Variants in CPE observed in about 807,000 individuals in gnomAD.
The protein encoded by CPE is carbocypeptidase E.
In CPE, 17 loss-of-function variants were observed where a neutral mutation model predicts 53.5. The ratio of observed to expected loss-of-function variants is 0.32; its 90% CI spans 0.22 to 0.48. The LOEUF is 0.48. Among genes scored for constraint, CPE ranks in the 20% least tolerant of loss-of-function variants. CPE has a pLI of 0.99. For synonymous variants in CPE, 226 were observed against 228.8 expected, an observed-to-expected ratio of 0.99 and a Z score of 0.11; for missense variants, 524 against 614.7, an observed-to-expected ratio of 0.85 and a Z score of 1.56.
At chr4:165,410,928 G>C (rs1022590288) in intron 1 of CPE, among the ~76,000 whole-genome samples, 3 of 152,096 alleles carry the variant, frequency 2.0e-5, no homozygotes, top group Non-Finnish European at 2.9e-5. Flanking sequence ...CTAGCAGAAA[G>C]CTGGGTTTCA....
At chr4:165,444,767 C>A (rs1731676522) in intron 1 of CPE, among the ~76,000 whole-genome samples, 1 of 152,170 alleles carries the variant, frequency 6.6e-6, no homozygotes, top group Non-Finnish European at 1.5e-5. Flanking sequence ...TCATCTTGGG[C>A]TGTGGCAATC....
intron 1 of CPE, among the ~76,000 whole-genome samples, chr4:165,451,102 C>G (rs558211455): frequency 1.3e-5 from 2 of 152,130 alleles, no homozygotes; most frequent in Non-Finnish European, 2.9e-5. Flanking sequence ...CCAGATCTGC[C>G]GAATTGGAAT....
intron 1 of CPE, among the ~76,000 whole-genome samples, chr4:165,463,818 G>T (rs760482050): frequency 1.5e-4 from 23 of 152,234 alleles, no homozygotes; most frequent in Non-Finnish European, 2.6e-4. Context: ...TAGTTATTGT[G>T]GGTGAGATGG....
chr4:165,486,692 A>C (rs1579283251), intron 5 of CPE, among the ~76,000 whole-genome samples: 2 of 152,134 alleles, frequency 1.3e-5, no homozygotes, highest in East Asian at 1.9e-4. Flanking sequence ...ACCAGACACA[A>C]ATGCGTATCC....
chr4:165,413,566 G>T (rs893180643), intron 1 of CPE, among the ~76,000 whole-genome samples: 2 of 152,174 alleles, frequency 1.3e-5, no homozygotes, highest in Admixed American at 1.3e-4. Context: ...TACCTTTGAG[G>T]CTTTAAGCAA....
chr4:165,410,071 A>C (rs917678006), intron 1 of CPE, among the ~76,000 whole-genome samples: 1 of 151,968 alleles, frequency 6.6e-6, no homozygotes, highest in Non-Finnish European at 1.5e-5. Flanking sequence ...AACATGGTGA[A>C]ACCCCTTTCT....
At chr4:165,416,398 G>T (rs1361741172) in intron 1 of CPE, among the ~76,000 whole-genome samples, 2 of 152,134 alleles carry the variant, frequency 1.3e-5, no homozygotes, top group Non-Finnish European at 2.9e-5. Context: ...GGCCCCTAGG[G>T]GAGACACAAA....
rs552972242 is a variant in CPE, at chr4:165,410,844, T to TTG, written c.307+31325_307+31326dup. ...AGACTGTGTGTGTGTGTGTGTGTGT[T>TTG]TGTGTGTGTGCACTTGCACTTTGGG... is the stretch of plus-strand genomic sequence containing the variant. On this transcript the variant is annotated intron_variant, in intron 1 of 8. Transcript: ENST00000402744. Among the ~76,000 whole-genome samples the TTG allele has an allele frequency of 3.1e-4, 46 of 146,752 alleles. 1 individual carries two copies. In the East Asian group the frequency reaches 8.0e-3, roughly 26 times the overall value.
intron 1 of CPE, among the ~76,000 whole-genome samples, chr4:165,453,388 CTCTT>C (rs979079808): frequency 6.2e-5 from 9 of 146,180 alleles, no homozygotes; most frequent in South Asian, 2.2e-4. Context: ...CTTTCTCTCT[CTCTT>C]TCTTTCTTTC....
At chr4:165,418,648 T>C (rs72703619) in intron 1 of CPE, among the ~76,000 whole-genome samples, 6,238 of 152,290 alleles carry the variant, frequency 0.041, 213 homozygotes, top group East Asian at 0.15. Context: ...ATAAAAGCAG[T>C]TGAACTTGTA....
At chr4:165,479,449 A>G (rs1732362890) in intron 3 of CPE, among the ~76,000 whole-genome samples, 1 of 152,214 alleles carries the variant, frequency 6.6e-6, no homozygotes, top group Non-Finnish European at 1.5e-5. Flanking sequence ...AGGATGTAAT[A>G]CTTAGAGGGG....
At chr4:165,461,289 T>A (rs1173762303) in intron 1 of CPE, among the ~76,000 whole-genome samples, 1 of 151,584 alleles carries the variant, frequency 6.6e-6, no homozygotes, top group African/African-American at 2.4e-5. Context: ...GCTGTGCGGA[T>A]AAAATATGTG....
intron 1 of CPE, chr4:165,381,196 A>T (rs561041244): frequency 4.7e-5 from 21 of 448,140 alleles, no homozygotes; most frequent in Non-Finnish European, 8.5e-5. Context: ...AGAATGTGAT[A>T]TGCTTTAGAA....
intron 1 of CPE, among the ~76,000 whole-genome samples, chr4:165,390,205 G>A (rs1730658002): frequency 6.6e-6 from 1 of 152,170 alleles, no homozygotes; most frequent in African/African-American, 2.4e-5. Context: ...TGCTTGGCAT[G>A]TATATTTTGT....
At chr4:165,480,494 T>C (rs976782449) in intron 3 of CPE, among the ~76,000 whole-genome samples, 1 of 152,092 alleles carries the variant, frequency 6.6e-6, no homozygotes, top group Non-Finnish European at 1.5e-5. Flanking sequence ...CTAGTACTAG[T>C]GTAGTGGCTG....
At chr4:165,495,913 T>C (rs1448880100) in intron 8 of CPE, among the ~76,000 whole-genome samples, 5 of 152,216 alleles carry the variant, frequency 3.3e-5, no homozygotes, top group Non-Finnish European at 7.3e-5. Context: ...CTTTAAAAAA[T>C]TAAATTTTTA....
At chr4:165,414,534 TTA>T (rs1731090718) in intron 1 of CPE, among the ~76,000 whole-genome samples, 1 of 152,174 alleles carries the variant, frequency 6.6e-6, no homozygotes, top group South Asian at 2.1e-4. Context: ...CCTGCATAAA[TTA>T]TATGTGTTAA....
intron 1 of CPE, among the ~76,000 whole-genome samples, chr4:165,402,117 A>G (rs1314683770): frequency 6.6e-6 from 1 of 152,230 alleles, no homozygotes; most frequent in Non-Finnish European, 1.5e-5. Context: ...AATGTAATAA[A>G]GCTTCTTTAT....
chr4:165,405,885 T>C, intron 1 of CPE: 1 of 737,420 alleles, frequency 1.4e-6, no homozygotes, highest in Non-Finnish European at 2.5e-6. Flanking sequence ...TGTCTTTTGT[T>C]GCTATTTTAT....
Sources: gnomAD v4.1 joint callset for allele counts (sites outside exome capture counted in the v4.1 genomes callset) on GRCh38, gnomAD v4.1.1 for gene constraint, MANE v1.5 for transcripts, NCBI Gene and HGNC (gene_info 2026-07-23, HGNC 2026-07-21) for gene names.